SAMD4A: variants seen among roughly 807,000 people sequenced by gnomAD.
SAMD4A encodes the protein protein Smaug homolog 1.
SAMD4A carries 33 observed loss-of-function variants against 81.3 expected under a neutral mutation model. The observed-to-expected ratio is 0.41, with a 90% CI of 0.31 to 0.54. SAMD4A has a LOEUF of 0.54. SAMD4A is among the 20% of genes least tolerant of loss of function. The pLI is 0.37. For missense variants in SAMD4A, 854 were observed against 951.1 expected (o/e 0.90, Z 1.34); for synonymous variants, 389 against 382.1 (o/e 1.02, Z -0.21).
intron 2 of SAMD4A, among the ~76,000 whole-genome samples, chr14:54,594,392 C>G (rs1413465514): frequency 6.6e-6 from 1 of 150,990 alleles, no homozygotes; most frequent in Non-Finnish European, 1.5e-5. Context: ...CACTACACTC[C>G]AGTCTGGGTG....
At chr14:54,651,570 ATTCAT>A (rs2035404269) in intron 2 of SAMD4A, among the ~76,000 whole-genome samples, 1 of 152,246 alleles carries the variant, frequency 6.6e-6, no homozygotes, top group South Asian at 2.1e-4. Context: ...TAAAGAGTTA[ATTCAT>A]TTCAAGAACT....
intron 2 of SAMD4A, among the ~76,000 whole-genome samples, chr14:54,571,010 A>G (rs1389792375): frequency 7.2e-6 from 1 of 138,992 alleles, no homozygotes; most frequent in Non-Finnish European, 1.6e-5. Context: ...AAATTCATAT[A>G]TGGGACTCGA....
chr14:54,714,966 C>T (rs1348045005), intron 3 of SAMD4A, among the ~76,000 whole-genome samples: 1 of 152,018 alleles, frequency 6.6e-6, no homozygotes, highest in African/African-American at 2.4e-5. Context: ...TTAAAGTGGA[C>T]CAGATTTTAA....
Position 54,597,503 on chromosome 14 carries a change from G to A in SAMD4A, c.196+29391G>A, listed in dbSNP as rs1373695837. 1.5e-4 allele frequency among the ~76,000 whole-genome samples: 23 copies of A among 150,914 alleles called. 1 individual carries two copies. Among genetic ancestry groups the A allele is most frequent in the Admixed American group, 1.5e-3 (23 of 15,202 alleles). On this transcript the variant is annotated intron_variant, in intron 2 of 12. Coordinates refer to ENST00000554335, the MANE Select transcript of SAMD4A (RefSeq NM_015589.6). The stretch of plus-strand genomic sequence containing the variant: ...TTGGTCAGGCTGGTCTTGAACTCCT[G>A]ATCTCAGGTGATCGCCCACCTTGGC...
intron 9 of SAMD4A, among the ~76,000 whole-genome samples, chr14:54,771,681 A>G (rs917701592): frequency 7.2e-5 from 11 of 152,210 alleles, no homozygotes; most frequent in Non-Finnish European, 1.3e-4. Flanking sequence ...GAGAGCAGCA[A>G]TACTTTTCCC....
intron 2 of SAMD4A, among the ~76,000 whole-genome samples, chr14:54,617,608 GCAGT>G (rs1379819239): frequency 6.6e-6 from 1 of 152,144 alleles, no homozygotes; most frequent in Admixed American, 6.5e-5. Flanking sequence ...GATATTGCAT[GCAGT>G]CAGTTTGATG....
rs577716481 is a variant in SAMD4A at position 54,624,281 on chromosome 14, T to C, written c.196+56169T>C. On this transcript the variant is annotated intron_variant, in intron 2 of 12. Transcript: ENST00000554335. ...AGCCACCGCGCCCGGCCCACTCTTA[T>C]TTAATTTCTATTATGCCCTCTCCGG... is the stretch of plus-strand genomic sequence containing the variant. Among the ~76,000 whole-genome samples, 3 of 152,396 alleles carry C rather than the reference T, an allele frequency of 2.0e-5. No individual in the cohort carries two copies. The East Asian group carries it at 5.8e-4, about 29-fold the overall frequency.
intron 12 of SAMD4A, among the ~76,000 whole-genome samples, chr14:54,784,928 G>A (rs185324529): frequency 6.6e-6 from 1 of 152,298 alleles, no homozygotes; most frequent in Admixed American, 6.5e-5. Context: ...TCACACCACA[G>A]CAGTTGTCCC....
rs776007356 is a variant in SAMD4A, at chr14:54,734,159, G to A, written c.716-2865G>A. On this transcript the variant is annotated intron_variant, in intron 3 of 12. Coordinates refer to ENST00000554335, the MANE Select transcript of SAMD4A (RefSeq NM_015589.6). ...ACTGTCGCCAAGGCACCTGTCACCT[G>A]TTTTAATCTCCTTCCCACAAGAATA... Among the ~76,000 whole-genome samples the A allele has an allele frequency of 5.9e-5, 9 of 152,220 alleles. No individual in the cohort carries two copies. The South Asian group carries it at 1.7e-3, about 28-fold the overall frequency.
chr14:54,614,122 T>C (rs2140277617), intron 2 of SAMD4A, among the ~76,000 whole-genome samples: 1 of 152,354 alleles, frequency 6.6e-6, no homozygotes, highest in Admixed American at 6.5e-5. Context: ...CAGAAGGAGA[T>C]ATGAGAATCT....
chr14:54,777,960 A>T (rs926222658), intron 11 of SAMD4A, among the ~76,000 whole-genome samples: 10 of 152,148 alleles, frequency 6.6e-5, no homozygotes, highest in South Asian at 2.1e-4. Flanking sequence ...GCTTTATCCC[A>T]GGGTCCTTTC....
intron 3 of SAMD4A, among the ~76,000 whole-genome samples, chr14:54,710,686 T>A (rs2036967107): frequency 6.6e-6 from 1 of 152,108 alleles, no homozygotes; most frequent in South Asian, 2.1e-4. Context: ...CCTGCCTGAA[T>A]TGCCCCATCT....
intron 12 of SAMD4A, among the ~76,000 whole-genome samples, chr14:54,786,376 G>C (rs1449523659): frequency 6.6e-6 from 1 of 152,254 alleles, no homozygotes; most frequent in African/African-American, 2.4e-5. Flanking sequence ...ATAGTGGTGA[G>C]GGTTGCACAG....
At chr14:54,624,511 C>A (rs1203696666) in intron 2 of SAMD4A, among the ~76,000 whole-genome samples, 4 of 152,188 alleles carry the variant, frequency 2.6e-5, no homozygotes, top group Non-Finnish European at 5.9e-5. Context: ...TCAATGCTAG[C>A]GGGGAATTTC....
rs111499539 is a variant in SAMD4A at position 54,734,463 on chromosome 14, C to A, written c.716-2561C>A. Reference sequence around the variant, plus strand: ...GAAAGTCATCAGGAAAAGACCCTGGCACCTCAGGTATAATTGATGTTTCCT... The same window carrying A: ...GAAAGTCATCAGGAAAAGACCCTGGAACCTCAGGTATAATTGATGTTTCCT... On this transcript the variant is annotated intron_variant, in intron 3 of 12. Coordinates refer to ENST00000554335, the MANE Select transcript of SAMD4A (RefSeq NM_015589.6). Among the ~76,000 whole-genome samples the A allele has an allele frequency of 1.6e-3, 251 of 152,324 alleles. 2 individuals carry two copies. The highest frequency in any genetic ancestry group is 5.7e-3 in the African/African-American group (237 of 41,578).
intron 2 of SAMD4A, among the ~76,000 whole-genome samples, chr14:54,617,854 G>A (rs781392421): frequency 6.6e-5 from 10 of 152,130 alleles, no homozygotes; most frequent in South Asian, 2.1e-4. Flanking sequence ...TATTTTAGCC[G>A]TGATATAAAT....
At chr14:54,587,239 GGT>G in intron 2 of SAMD4A, among the ~76,000 whole-genome samples, 1 of 152,214 alleles carries the variant, frequency 6.6e-6, no homozygotes, top group Non-Finnish European at 1.5e-5. Context: ...GATTGCTGTT[GGT>G]GTATAGCAGA....
intron 2 of SAMD4A, among the ~76,000 whole-genome samples, chr14:54,658,235 C>T (rs953081120): frequency 7.9e-5 from 12 of 152,252 alleles, no homozygotes; most frequent in African/African-American, 2.4e-4. Context: ...TGCTTGAACC[C>T]AGGAGGTGGA....
chr14:54,707,132 C>G (rs2140779859), intron 3 of SAMD4A, among the ~76,000 whole-genome samples: 2 of 137,310 alleles, frequency 1.5e-5, no homozygotes, highest in South Asian at 4.5e-4. Flanking sequence ...GAGACAGGCT[C>G]TTGCTATGTT....
Sources: gnomAD v4.1 joint callset for allele counts (sites outside exome capture counted in the v4.1 genomes callset) on GRCh38, gnomAD v4.1.1 for gene constraint, MANE v1.5 for transcripts, NCBI Gene and HGNC (gene_info 2026-07-23, HGNC 2026-07-21) for gene names.